CDH4: variants seen among roughly 807,000 people sequenced by gnomAD.
The protein encoded by CDH4 is cadherin 4.
In CDH4, 33 loss-of-function variants were observed where a neutral mutation model predicts 86.0. The ratio of observed to expected loss-of-function variants is 0.38; its 90% confidence interval spans 0.29 to 0.51. The LOEUF (loss-of-function observed/expected upper bound fraction) is 0.51, where lower values mean the gene tolerates loss of function less well. CDH4 is among the 20% of genes least tolerant of loss of function. The pLI is 0.86. For missense variants in CDH4, 1,114 were observed against 1,307.4 expected (o/e 0.85, Z 2.28); for synonymous variants, 555 against 549.4 (o/e 1.01, Z -0.14).
chr20:61,292,930 G>A (rs1266048772), intron 2 of CDH4, among the ~76,000 whole-genome samples: 1 of 152,168 alleles, frequency 6.6e-6, no homozygotes, highest in Non-Finnish European at 1.5e-5. Context: ...CACAAGGCAG[G>A]CAGTGCCTGC....
intron 4 of CDH4, among the ~76,000 whole-genome samples, chr20:61,806,499 C>T (rs1184323927): frequency 2.0e-5 from 3 of 152,246 alleles, no homozygotes; most frequent in African/African-American, 4.8e-5. Context: ...GAGGCAATTC[C>T]ATACCCAAGT....
chr20:61,556,911 G>GGCT, intron 2 of CDH4, among the ~76,000 whole-genome samples: 1 of 151,964 alleles, frequency 6.6e-6, no homozygotes, highest in East Asian at 2.0e-4. Flanking sequence ...CTCACACCAG[G>GGCT]GCTGATCCCC....
chr20:61,785,859 C>A (rs1163664709), intron 4 of CDH4, among the ~76,000 whole-genome samples: 1 of 152,218 alleles, frequency 6.6e-6, no homozygotes, highest in Non-Finnish European at 1.5e-5. Flanking sequence ...AATTTTTAAG[C>A]CTTCAGAGCC....
chr20:61,490,751 C>T (rs1568863193), intron 2 of CDH4, among the ~76,000 whole-genome samples: 1 of 151,892 alleles, frequency 6.6e-6, no homozygotes, highest in East Asian at 1.9e-4. Flanking sequence ...GTCGGAGTGA[C>T]GGGGGGCACT....
chr20:61,775,572 A>G (rs117793613), intron 4 of CDH4, among the ~76,000 whole-genome samples: 1,573 of 152,320 alleles, frequency 0.01, 16 homozygotes, highest in Non-Finnish European at 0.015. Flanking sequence ...TTTATTTACA[A>G]AAACAGGGAG....
At chr20:61,794,370 C>A (rs941269453) in intron 4 of CDH4, among the ~76,000 whole-genome samples, 3 of 152,124 alleles carry the variant, frequency 2.0e-5, no homozygotes, top group Non-Finnish European at 4.4e-5. Context: ...TTCCACTAAG[C>A]CAGCCCTGGG....
chr20:61,332,280 C>G (rs571421577), intron 2 of CDH4, among the ~76,000 whole-genome samples: 114 of 152,336 alleles, frequency 7.5e-4, no homozygotes, highest in African/African-American at 2.7e-3. Flanking sequence ...TTCTGGGTGT[C>G]AAGGTCTCTG....
At position 61,810,677 on chromosome 20, in the gene CDH4, A is replaced by G. The variant is rs1281739959; in HGVS notation, c.577-33991A>G. 1.3e-5 allele frequency among the ~76,000 whole-genome samples: 2 copies of G among 152,130 alleles called. No homozygotes were observed. Among genetic ancestry groups the G allele is most frequent in the African/African-American group, 4.8e-5 (2 of 41,438 alleles). The stretch of plus-strand genomic sequence containing the variant: ...AGGAACCACTCCAGGGCTATAAAAC[A>G]TTTAATTTTGGAAAAAATCAGTACT... On this transcript the variant is annotated intron_variant, in intron 4 of 15. Transcript: ENST00000614565. This position sits in a 1 kb window ranked among gnomAD's most constrained non-coding sequence, Gnocchi z 4.3.
intron 2 of CDH4, among the ~76,000 whole-genome samples, chr20:61,308,501 A>G (rs1284523775): frequency 6.6e-6 from 1 of 152,204 alleles, no homozygotes; most frequent in Non-Finnish European, 1.5e-5. Context: ...TCCACCTGCA[A>G]ACTCTGGCAA....
chr20:61,677,709 A>T (rs1047694069), intron 2 of CDH4, among the ~76,000 whole-genome samples: 1 of 152,016 alleles, frequency 6.6e-6, no homozygotes, highest in Non-Finnish European at 1.5e-5. Flanking sequence ...GGACGGATGG[A>T]TGGATGATAG....
intron 3 of CDH4, among the ~76,000 whole-genome samples, chr20:61,756,250 G>GC (rs1161616557): frequency 5.3e-5 from 8 of 151,432 alleles, no homozygotes; most frequent in African/African-American, 2.0e-4. Context: ...CTCAACCCTG[G>GC]CCAGGGGCTC....
At chr20:61,353,656 TTCTTCCTCCTCTTCCC>T (rs2084727837) in intron 2 of CDH4, among the ~76,000 whole-genome samples, 4 of 80,130 alleles carry the variant, frequency 5.0e-5, no homozygotes, top group Non-Finnish European at 7.2e-5. Flanking sequence ...CCTCCTCCTC[TTCTTCCTCCTCTTCCC>T]CCTCCTCCTC....
At chr20:61,635,550 C>T (rs1432212829) in intron 2 of CDH4, among the ~76,000 whole-genome samples, 2 of 152,154 alleles carry the variant, frequency 1.3e-5, no homozygotes, top group East Asian at 3.9e-4. Context: ...TGTTTGACTG[C>T]AGGCATCCCC....
chr20:61,688,114 A>G (rs57276562), intron 2 of CDH4, among the ~76,000 whole-genome samples: 34,256 of 152,028 alleles, frequency 0.23, 5,447 homozygotes, highest in African/African-American at 0.43. Flanking sequence ...TCTCCCCTAC[A>G]GCAGCCTCTG....
chr20:61,646,527 C>G (rs1159396132), intron 2 of CDH4, among the ~76,000 whole-genome samples: 1 of 152,234 alleles, frequency 6.6e-6, no homozygotes, highest in Non-Finnish European at 1.5e-5. Context: ...CGTTCACCCC[C>G]TCTGGGCCTC....
intron 2 of CDH4, among the ~76,000 whole-genome samples, chr20:61,345,670 C>T (rs1360076419): frequency 6.6e-6 from 1 of 152,158 alleles, no homozygotes; most frequent in Non-Finnish European, 1.5e-5. Context: ...AGGAGGGGAA[C>T]AGGGGAAGAG....
At chr20:61,732,545 G>T (rs2088204679) in intron 2 of CDH4, among the ~76,000 whole-genome samples, 1 of 152,170 alleles carries the variant, frequency 6.6e-6, no homozygotes, top group African/African-American at 2.4e-5. Flanking sequence ...CCTCTGCGGG[G>T]AATGCTCTTC....
chr20:61,568,562 A>G (rs2086317624), intron 2 of CDH4, among the ~76,000 whole-genome samples: 1 of 152,186 alleles, frequency 6.6e-6, no homozygotes, highest in South Asian at 2.1e-4. Context: ...GATCTTTTTG[A>G]TGATGTCTGG....
intron 2 of CDH4, among the ~76,000 whole-genome samples, chr20:61,363,766 C>G (rs2084796916): frequency 6.6e-6 from 1 of 152,162 alleles, no homozygotes; most frequent in Non-Finnish European, 1.5e-5. Flanking sequence ...GTGAAAGCTA[C>G]CAGGTCAGTG....
Sources: gnomAD v4.1 joint callset for allele counts (sites outside exome capture counted in the v4.1 genomes callset) on GRCh38, gnomAD v4.1.1 for gene constraint, Gnocchi (gnomAD v3.1) non-coding constraint, MANE v1.5 for transcripts, NCBI Gene and HGNC (gene_info 2026-07-23, HGNC 2026-07-21) for gene names.